Variants in RNPEP observed in about 807,000 individuals in gnomAD.
The protein encoded by RNPEP is arginyl aminopeptidase.
A neutral mutation model predicts 70.1 loss-of-function variants in RNPEP; 57 were observed. The observed-to-expected ratio is 0.81, with a 90% CI of 0.66 to 1.01. RNPEP has a LOEUF of 1.01. Ranked by LOEUF, RNPEP falls within the 50% of genes least tolerant of loss-of-function variation. The probability of loss-of-function intolerance (pLI) is 0.00; values close to 1 mark genes in which losing one functional copy is unlikely to be tolerated. For synonymous variants in RNPEP, 335 were observed against 357.4 expected (o/e 0.94, Z 0.71); for missense variants, 787 against 852.4 (o/e 0.92, Z 0.96).
Position 201,982,911 on chromosome 1 carries a change from C to T in RNPEP, c.245C>T (p.Ser82Leu). The T allele has an allele frequency of 2.0e-6, 3 of 1,468,730 alleles. No individual in the cohort carries two copies. The highest frequency in any genetic ancestry group is 2.7e-6 in the Non-Finnish European group (3 of 1,114,336). The allele number at this position is 1,468,730 out of a possible 1,614,324, so 91.0% of individuals were successfully genotyped here. A position where few individuals can be genotyped will look rare whatever the true frequency, so the allele number is the denominator to read the frequency against. ...PEGAAELRLD[S>L]HPCLEVTAAA... ...GGCGCCGCCGAGCTGCGGCTGGACT[C>T]GCACCCGTGCCTGGAGGTGACGGCG... Residue 82 changes from serine to leucine, a missense_variant, in exon 1 of 11, where the codon TCG (serine) becomes TTG (leucine). By Grantham distance (145) the Ser-to-Leu change is moderately radical. Transcript: ENST00000295640.
intron 5 of RNPEP, among the ~76,000 whole-genome samples, chr1:201,998,552 G>A (rs764093180): frequency 6.6e-6 from 1 of 152,052 alleles, no homozygotes; most frequent in African/African-American, 2.4e-5. Flanking sequence ...GGCCCTGAAC[G>A]TTTTAAATTA....
At chr1:201,988,692 C>G (rs1683219309) in intron 1 of RNPEP, among the ~76,000 whole-genome samples, 1 of 152,292 alleles carries the variant, frequency 6.6e-6, no homozygotes, top group Non-Finnish European at 1.5e-5. Flanking sequence ...TTTCTGGTGG[C>G]TCTGCCCTGT....
intron 3 of RNPEP, among the ~76,000 whole-genome samples, chr1:201,994,356 G>A (rs1446649614): frequency 1.3e-5 from 2 of 152,106 alleles, no homozygotes; most frequent in Admixed American, 1.3e-4. Flanking sequence ...GGCTCTGAAG[G>A]TCCGGTTCTG....
chr1:202,003,488 C>T, intron 9 of RNPEP, 27 bp downstream of exon 9: 2 of 1,506,630 alleles, frequency 1.3e-6, no homozygotes, highest in South Asian at 1.2e-5. Context: ...AACCAGGGCT[C>T]CTTGTGTGCA....
rs71281164 is a variant in RNPEP at position 201,996,465 on chromosome 1, TTGTGTGTGTGTGTGTGTGTG to T, written c.854+226_854+245del. 638 of 232,700 alleles carry T rather than the reference TTGTGTGTGTGTGTGTGTGTG, an allele frequency of 2.7e-3. 1 individual carries two copies. Among genetic ancestry groups the T allele is most frequent in the South Asian group, 7.5e-3 (143 of 19,098 alleles). 14.4% of individuals were successfully genotyped at this position (232,700 alleles called of 1,614,324 possible). On this transcript the variant is annotated intron_variant, in intron 4 of 10. Transcript: ENST00000295640. ...GAGAGGGCCTAGGAGATGAGGTTCT[TTGTGTGTGTGTGTGTGTGTG>T]TGTGTGTGTGTGTGTGTGTGTGTTT...
chr1:201,995,755 T>C (rs981860793), intron 3 of RNPEP: 1 of 170,150 alleles, frequency 5.9e-6, no homozygotes, highest in African/African-American at 2.4e-5. Flanking sequence ...TTCTTATCTC[T>C]CCTCTAAGTA....
chr1:201,983,873 G>T, intron 1 of RNPEP: 1 of 996,918 alleles, frequency 1.0e-6, no homozygotes, highest in African/African-American at 1.7e-5. Flanking sequence ...GTGGCTGCCA[G>T]TTATCTCTCA....
At position 201,999,939 on chromosome 1, in the gene RNPEP, G is replaced by A; in HGVS notation, c.1128G>A (p.Arg376=). Residue 376 remains arginine, a synonymous_variant, in exon 6 of 11, where the codon CGG becomes CGA. Coordinates refer to ENST00000295640, the MANE Select transcript of RNPEP (RefSeq NM_020216.4). Reference sequence around the variant, plus strand: ...CCTGCTTGGAGGCTGCAACGGGGCGGGCTCTGCTGCGTCAGCACATGGACA... The same window carrying A: ...CCTGCTTGGAGGCTGCAACGGGGCGAGCTCTGCTGCGTCAGCACATGGACA... ...AYTCLEAATG[R]ALLRQHMDIT... The A allele has an allele frequency of 6.2e-7, 1 of 1,613,844 alleles. No individual in the cohort carries two copies. The highest frequency in any genetic ancestry group is 8.5e-7 in the Non-Finnish European group (1 of 1,179,888).
intron 1 of RNPEP, among the ~76,000 whole-genome samples, chr1:201,986,068 G>A (rs752819937): frequency 2.6e-5 from 4 of 152,110 alleles, no homozygotes; most frequent in Non-Finnish European, 2.9e-5. Context: ...GGGACTACAG[G>A]CGCATACAAC....
At position 202,004,383 on chromosome 1, in the gene RNPEP, C is replaced by T. The variant is rs1442723123; in HGVS notation, c.1681C>T (p.Pro561Ser). ...GNVKKLGDTY[P>S]SISNARNAEL... ...TGTGAAAAAACTTGGAGACACATAC[C>T]CAAGTATCTCAAATGCCCGGAATGC... The change falls in exon 10 of 11, where the codon CCA becomes TCA. Residue 561 changes from proline to serine, a missense_variant. Transcript: ENST00000295640. The T allele has an allele frequency of 3.1e-6, 5 of 1,613,982 alleles. No individual in the cohort carries two copies. Among genetic ancestry groups the T allele is most frequent in the Non-Finnish European group, 4.2e-6 (5 of 1,180,026 alleles).
chr1:202,002,787 C>T (rs898791792), intron 8 of RNPEP, among the ~76,000 whole-genome samples: 3 of 152,184 alleles, frequency 2.0e-5, no homozygotes, highest in African/African-American at 4.8e-5. Context: ...ATAACCATCA[C>T]GGAGGCAGGG....
Position 202,001,710 on chromosome 1 carries a change from G to T in RNPEP, c.1369G>T (p.Asp457Tyr). 2 of 1,613,768 alleles carry T rather than the reference G, an allele frequency of 1.2e-6. No homozygotes were observed. The highest frequency in any genetic ancestry group is 1.7e-6 in the Non-Finnish European group (2 of 1,179,716). ...FRSILADDFL[D>Y]FYLEYFPELK... Reference sequence around the variant, plus strand: ...AAGCATCTTAGCCGATGACTTTCTGGACTTCTACTTGGAATATTTCCCTGA... The same window carrying T: ...AAGCATCTTAGCCGATGACTTTCTGTACTTCTACTTGGAATATTTCCCTGA... Residue 457 changes from aspartate to tyrosine, a missense_variant, in exon 8 of 11, where the codon GAC (aspartate) becomes TAC (tyrosine). Physicochemically the swap from Asp to Tyr is radical, Grantham distance 160. Coordinates refer to ENST00000295640, the MANE Select transcript of RNPEP (RefSeq NM_020216.4).
Position 202,001,736 on chromosome 1 carries a change from G to T in RNPEP, c.1395G>T (p.Glu465Asp), listed in dbSNP as rs757806614. Residue 465 changes from glutamate (E) to aspartate (D), a missense_variant, in exon 8 of 11, where the codon GAG becomes GAT. Physicochemically the swap from Glu to Asp is conservative, Grantham distance 45. Coordinates refer to ENST00000295640, the MANE Select transcript of RNPEP (RefSeq NM_020216.4). ...ACTTCTACTTGGAATATTTCCCTGA[G>T]CTTAAGAAAAAGAGAGTGGATATCA... ...FLDFYLEYFPELKKKRVDIIP... is the reference protein window; with the variant it reads ...FLDFYLEYFPDLKKKRVDIIP... The T allele has an allele frequency of 1.2e-6, 2 of 1,611,300 alleles. No individual in the cohort carries two copies. The highest frequency in any genetic ancestry group is 2.2e-5 in the South Asian group (2 of 91,030).
chr1:202,000,217 G>A, intron 6 of RNPEP: 1 of 512,996 alleles, frequency 1.9e-6, no homozygotes. Flanking sequence ...GTTCTGTCCA[G>A]TCTGTGCGGT....
In RNPEP at chr1:201,985,191, TAAA is replaced by T. The variant is rs57050499; in HGVS notation, c.447+2094_447+2096del. The stretch of plus-strand genomic sequence containing the variant: ...CTGGGTGACACAGCGAGGCTCCATC[TAAA>T]AAAAAAAAAAAAAAATACTCATTTC... On this transcript the variant is annotated intron_variant, in intron 1 of 10. Coordinates refer to ENST00000295640, the MANE Select transcript of RNPEP (RefSeq NM_020216.4). Among the ~76,000 whole-genome samples the T allele has an allele frequency of 2.0e-3, 283 of 141,966 alleles. 1 individual carries two copies. Among genetic ancestry groups the T allele is most frequent in the Middle Eastern group, 3.7e-3 (1 of 272 alleles). The allele number at this position is 141,966 out of a possible 152,430, so 93.1% of individuals were successfully genotyped here.
At chr1:201,992,190 C>A (rs1683362271) in intron 3 of RNPEP, among the ~76,000 whole-genome samples, 1 of 152,168 alleles carries the variant, frequency 6.6e-6, no homozygotes, top group Admixed American at 6.5e-5. Flanking sequence ...TGTCACCATG[C>A]CCAGTTAATT....
intron 2 of RNPEP, 139 bp downstream of exon 2, chr1:201,989,183 T>C: frequency 7.8e-7 from 1 of 1,286,718 alleles, no homozygotes; most frequent in Non-Finnish European, 1.1e-6. Context: ...TTTAAATTCT[T>C]CCACCTACTG....
At chr1:202,002,874 A>T (rs866669121) in intron 8 of RNPEP, among the ~76,000 whole-genome samples, 20 of 152,264 alleles carry the variant, frequency 1.3e-4, no homozygotes, top group African/African-American at 4.3e-4. Flanking sequence ...CCAGCTGGTT[A>T]ATGACAGAGC....
At chr1:201,992,003 G>C (rs1462467983) in intron 3 of RNPEP, among the ~76,000 whole-genome samples, 22 of 151,926 alleles carry the variant, frequency 1.4e-4, no homozygotes, top group Admixed American at 1.4e-3. Flanking sequence ...GGTGGCTGCA[G>C]GGTTTCTTGT....
Sources: gnomAD v4.1 joint callset for allele counts (sites outside exome capture counted in the v4.1 genomes callset) on GRCh38, gnomAD v4.1.1 for gene constraint, MANE v1.5 for transcripts, NCBI Gene and HGNC (gene_info 2026-07-23, HGNC 2026-07-21) for gene names.